Variants in GRIK2 observed in about 807,000 individuals in gnomAD.
The protein encoded by GRIK2 is glutamate receptor ionotropic, kainate 2.
GRIK2 carries 32 observed loss-of-function variants against 100.3 expected under a neutral mutation model. The observed-to-expected ratio is 0.32, with a 90% CI of 0.24 to 0.43. The LOEUF (loss-of-function observed/expected upper bound fraction) is 0.43, where lower values mean the gene tolerates loss of function less well. Ranked by LOEUF, GRIK2 falls within the 20% of genes least tolerant of loss-of-function variation. GRIK2 has a pLI of 1.00. For synonymous variants in GRIK2, 417 were observed against 389.4 expected, an observed-to-expected ratio of 1.07 and a Z score of -0.83; for missense variants, 843 against 1,114.9, an observed-to-expected ratio of 0.76 and a Z score of 3.47.
At chr6:101,799,277 T>TTGTGTGTGTGTGTGTG (rs58920833) in intron 7 of GRIK2, among the ~76,000 whole-genome samples, 7 of 146,646 alleles carry the variant, frequency 4.8e-5, no homozygotes, top group African/African-American at 1.8e-4. Context: ...AATGTACTCA[T>TTGTGTGTGTGTGTGTG]TGTGTGTGTG....
chr6:101,870,213 T>C (rs1785316301), intron 11 of GRIK2, among the ~76,000 whole-genome samples: 1 of 151,924 alleles, frequency 6.6e-6, no homozygotes, highest in South Asian at 2.1e-4. Flanking sequence ...TTTTACTTTG[T>C]GGCTTTCAAT....
chr6:101,592,786 A>T (rs972159282), intron 2 of GRIK2, among the ~76,000 whole-genome samples: 42 of 151,318 alleles, frequency 2.8e-4, no homozygotes, highest in African/African-American at 9.0e-4. Context: ...AGATTAAAAC[A>T]CTTAATTTTT....
chr6:101,533,574 A>G (rs1775547544), intron 2 of GRIK2, among the ~76,000 whole-genome samples: 1 of 151,914 alleles, frequency 6.6e-6, no homozygotes, highest in African/African-American at 2.4e-5. Flanking sequence ...CTACAAAACT[A>G]TTCAGAGAAG....
intron 4 of GRIK2, among the ~76,000 whole-genome samples, chr6:101,675,451 G>A (rs1770764361): frequency 6.6e-6 from 1 of 152,100 alleles, no homozygotes; most frequent in Admixed American, 6.6e-5. Context: ...ATAGATACTA[G>A]TATAGAGATG....
intron 15 of GRIK2, among the ~76,000 whole-genome samples, chr6:102,042,660 T>G (rs1380574852): frequency 6.6e-6 from 1 of 151,730 alleles, no homozygotes; most frequent in Non-Finnish European, 1.5e-5. Flanking sequence ...CTCTTATAAT[T>G]CTTTCCTTGG....
At chr6:101,690,748 C>G (rs1263267950) in intron 7 of GRIK2, among the ~76,000 whole-genome samples, 1 of 152,134 alleles carries the variant, frequency 6.6e-6, no homozygotes, top group African/African-American at 2.4e-5. Flanking sequence ...GATGTGTTGT[C>G]ACTCATCATG....
At chr6:101,987,315 T>C (rs576065171) in intron 14 of GRIK2, among the ~76,000 whole-genome samples, 2 of 151,984 alleles carry the variant, frequency 1.3e-5, no homozygotes, top group Admixed American at 6.6e-5. Context: ...TTTAGAATCA[T>C]AGCAAATAAA....
intron 7 of GRIK2, among the ~76,000 whole-genome samples, chr6:101,740,781 G>A (rs531614591): frequency 1.3e-5 from 2 of 152,302 alleles, no homozygotes; most frequent in South Asian, 4.1e-4. Flanking sequence ...AAGGAAGCAA[G>A]AGGGGGTGGT....
At chr6:101,844,734 A>G (rs889343057) in intron 10 of GRIK2, among the ~76,000 whole-genome samples, 1 of 152,182 alleles carries the variant, frequency 6.6e-6, no homozygotes, top group African/African-American at 2.4e-5. Flanking sequence ...TTGAGGACAC[A>G]TGACATGTCT....
intron 2 of GRIK2, among the ~76,000 whole-genome samples, chr6:101,420,518 G>A (rs1209996256): frequency 5.3e-5 from 8 of 152,084 alleles, no homozygotes; most frequent in Non-Finnish European, 1.0e-4. Flanking sequence ...AGTACCACCA[G>A]GGAAGTTGTT....
At chr6:101,403,532 G>A (rs929632157) in intron 2 of GRIK2, among the ~76,000 whole-genome samples, 9 of 152,170 alleles carry the variant, frequency 5.9e-5, no homozygotes, top group Non-Finnish European at 1.2e-4. Context: ...TACGTTGTGG[G>A]ATAAAATCAA....
At chr6:101,664,580 CA>C (rs1389515134) in intron 4 of GRIK2, among the ~76,000 whole-genome samples, 4 of 152,178 alleles carry the variant, frequency 2.6e-5, no homozygotes, top group Admixed American at 2.6e-4. Context: ...TTGGCATGGC[CA>C]AAAGCACTGC....
intron 14 of GRIK2, among the ~76,000 whole-genome samples, chr6:102,030,694 G>A (rs1169363032): frequency 2.7e-5 from 4 of 150,856 alleles, no homozygotes; most frequent in African/African-American, 4.9e-5. Context: ...CTCTTTTTAC[G>A]TTTCAGCCTC....
At chr6:101,492,886 G>A (rs2579944) in intron 2 of GRIK2, among the ~76,000 whole-genome samples, 108,123 of 151,684 alleles carry the variant, frequency 0.71, 39,314 homozygotes, top group East Asian at 0.9. Flanking sequence ...TCATATTCCT[G>A]AGAATAAAAG....
At chr6:101,601,691 T>G (rs1779219839) in intron 2 of GRIK2, among the ~76,000 whole-genome samples, 1 of 152,000 alleles carries the variant, frequency 6.6e-6, no homozygotes, top group Admixed American at 6.6e-5. Flanking sequence ...TTTATCCATT[T>G]CCTATAGATT....
intron 2 of GRIK2, among the ~76,000 whole-genome samples, chr6:101,438,882 T>G (rs1280091904): frequency 1.3e-5 from 2 of 152,168 alleles, no homozygotes; most frequent in Non-Finnish European, 2.9e-5. Context: ...TAAGGCAACA[T>G]GCACTTTTGT....
chr6:101,914,852 T>C (rs1788995834), intron 12 of GRIK2, among the ~76,000 whole-genome samples: 1 of 151,654 alleles, frequency 6.6e-6, no homozygotes, highest in Admixed American at 6.6e-5. Flanking sequence ...TGATATATTA[T>C]TTCTTAGCTT....
intron 14 of GRIK2, among the ~76,000 whole-genome samples, chr6:101,973,348 T>G (rs1008221597): frequency 7.2e-5 from 11 of 151,974 alleles, no homozygotes; most frequent in East Asian, 1.9e-4. Context: ...ATGACACCAC[T>G]TTTACATACA....
At chr6:101,908,614 T>C (rs1029085657) in intron 12 of GRIK2, among the ~76,000 whole-genome samples, 6 of 151,328 alleles carry the variant, frequency 4.0e-5, no homozygotes, top group Non-Finnish European at 8.9e-5. Flanking sequence ...TATTAGAACT[T>C]ACAAGAAATA....
Sources: allele counts gnomAD v4.1 joint callset (sites outside exome capture counted in the v4.1 genomes callset), GRCh38; gene constraint gnomAD v4.1.1; transcripts MANE v1.5; gene names NCBI Gene and HGNC (gene_info 2026-07-23, HGNC 2026-07-21).